The following ATP2A3 variants were observed in gnomAD, a reference collection of about 807,000 sequenced individuals.
The protein encoded by ATP2A3 is ATPase sarcoplasmic/endoplasmic reticulum Ca2+ transporting 3, also known as sarcoplasmic/endoplasmic reticulum calcium ATPase 3.
In ATP2A3, 61 loss-of-function variants were observed where a neutral mutation model predicts 106.8. The observed-to-expected ratio is 0.57, with a 90% CI of 0.46 to 0.71. ATP2A3 has a LOEUF of 0.71. ATP2A3 is among the 30% of genes least tolerant of loss of function. ATP2A3 has a pLI of 0.00. For missense variants in ATP2A3, 1,201 were observed against 1,423.5 expected (o/e 0.84, Z 2.52); for synonymous variants, 611 against 609.3 (o/e 1.00, Z -0.04).
chr17:3,952,978 A>G (rs1258172529), intron 3 of ATP2A3, among the ~76,000 whole-genome samples: 1 of 152,116 alleles, frequency 6.6e-6, no homozygotes, highest in Non-Finnish European at 1.5e-5. Context: ...AACATCCTAC[A>G]GTGGAAAGCC....
intron 8 of ATP2A3, 90 bp from the exon 9 acceptor site, chr17:3,945,238 C>T: frequency 7.7e-7 from 1 of 1,301,408 alleles, no homozygotes; most frequent in Non-Finnish European, 1.1e-6. Flanking sequence ...TCCTGCAGGC[C>T]CCCTGCCCGA....
chr17:3,937,433 A>G lies in ATP2A3; in HGVS notation c.2304T>C (p.Asn768=), dbSNP rs200564275. 4.8e-5 allele frequency: 78 copies of G among 1,612,676 alleles called. No individual in the cohort carries two copies. The highest frequency in any genetic ancestry group is 3.0e-5 in the Non-Finnish European group (35 of 1,179,126). Residue 768 remains asparagine, a synonymous_variant, in exon 15 of 21, where the codon AAT becomes AAC. Coordinates refer to ENST00000397041, the MANE Select transcript of ATP2A3 (RefSeq NM_005173.4). ...KQFIRYLISS[N]VGEVVCIFLT... ...GGCCTCACCAGACGACCTCGCCAAC[A>G]TTGGAGGAGATGAGGTAGCGGATGA...
At chr17:3,943,060 G>A (rs2053873898) in intron 11 of ATP2A3, among the ~76,000 whole-genome samples, 1 of 152,150 alleles carries the variant, frequency 6.6e-6, no homozygotes, top group Admixed American at 6.5e-5. Context: ...GGCCAAGGCA[G>A]GCAGATTACC....
At position 3,942,479 on chromosome 17, in the gene ATP2A3, AG is replaced by A. The variant is rs2053836015; in HGVS notation, c.1545+126del. 6.5e-6 allele frequency: 9 copies of A among 1,379,566 alleles called. No individual in the cohort carries two copies. The South Asian group carries it at 1.1e-4, about 17-fold the overall frequency. The allele number at this position is 1,379,566 out of a possible 1,614,324, so 85.5% of individuals were successfully genotyped here. A position where few individuals can be genotyped will look rare whatever the true frequency, so the allele number is the denominator to read the frequency against. On this transcript the variant is annotated intron_variant, in intron 12 of 20. Transcript: ENST00000397041. ...CCCTACACCACCGGTTAGAGGCAAA[AG>A]GGGCTCCTGAGAACTTGTAACCCAA...
At chr17:3,945,308 C>T (rs2054051944) in intron 8 of ATP2A3, 160 bp from the exon 9 acceptor site, 2 of 596,952 alleles carry the variant, frequency 3.4e-6, no homozygotes, top group Admixed American at 6.1e-5. Context: ...AACGCAGGGT[C>T]CAGGCTGAGG....
Position 3,951,568 on chromosome 17 carries a change from CA to C in ATP2A3, c.324+12del. 6.4e-7 allele frequency: 1 copy of C among 1,567,106 alleles called. No individual in the cohort carries two copies. ...ACCGCCCCCCGCCCGGTCCCACCCC[CA>C]GTGCCTCCCACCTGCCACACGCCCA... On this transcript the variant is annotated intron_variant, in intron 4 of 20. Coordinates refer to ENST00000397041, the MANE Select transcript of ATP2A3 (RefSeq NM_005173.4).
intron 12 of ATP2A3, among the ~76,000 whole-genome samples, 180 bp from the exon 13 acceptor site, chr17:3,941,834 C>G (rs2053799685): frequency 6.6e-6 from 1 of 152,216 alleles, no homozygotes. Context: ...GTGGGTCCCC[C>G]TGTGAGACAA....
rs1480761937 is a variant in ATP2A3, at chr17:3,937,367, G to C, written c.2321+49C>G. On this transcript the variant is annotated intron_variant, in intron 15 of 20. Coordinates refer to ENST00000397041, the MANE Select transcript of ATP2A3 (RefSeq NM_005173.4). ...GAACAGGCGTTTTCCCCATCTCAGG[G>C]GCACAGAGCGGATTGAGAGGGCTGA... is the stretch of plus-strand genomic sequence containing the variant. The C allele has an allele frequency of 1.9e-6, 3 of 1,580,946 alleles. No individual in the cohort carries two copies. The African/African-American group carries it at 4.1e-5, about 21-fold the overall frequency.
Position 3,928,651 on chromosome 17 carries a change from C to T in ATP2A3, c.2980+12G>A. 1 of 1,545,898 alleles carries T rather than the reference C, an allele frequency of 6.5e-7. No homozygotes were observed. The highest frequency in any genetic ancestry group is 8.7e-7 in the Non-Finnish European group (1 of 1,142,858). ...GAGGCAGGCTGGAGGCGGGACGGGG[C>T]CTCCCACTCACCGTGCATGTGGTTC... On this transcript the variant is annotated intron_variant, in intron 20 of 20. Transcript: ENST00000397041. This position sits in a 1 kb window ranked among gnomAD's most constrained non-coding sequence, Gnocchi z 6.1.
chr17:3,964,291 TGCCGCCCGCCCGGCCGTCTGC>T lies in ATP2A3; in HGVS notation c.-21_-1del. 1.6e-6 allele frequency: 2 copies of T among 1,257,596 alleles called. No homozygotes were observed. The highest frequency in any genetic ancestry group is 1.7e-5 in the South Asian group (1 of 57,594). The allele number at this position is 1,257,596 out of a possible 1,614,324, so 77.9% of individuals were successfully genotyped here. A position where few individuals can be genotyped will look rare whatever the true frequency, so the allele number is the denominator to read the frequency against. On this transcript the variant is annotated 5_prime_UTR_variant, in exon 1 of 21. Coordinates refer to ENST00000397041, the MANE Select transcript of ATP2A3 (RefSeq NM_005173.4). ...GCCGGGAGCAGATGCGCCGCCTCCATGCCGCCCGCCCGGCCGTCTGCGCCGTCCGCACCGTCGAGGCCGCCT... is the reference window on the plus strand; with the variant it reads ...GCCGGGAGCAGATGCGCCGCCTCCATGCCGTCCGCACCGTCGAGGCCGCCT...
chr17:3,930,420 C>G lies in ATP2A3; in HGVS notation c.2625G>C (p.Lys875Asn). The G allele has an allele frequency of 6.2e-7, 1 of 1,613,990 alleles. No individual in the cohort carries two copies. Among genetic ancestry groups the G allele is most frequent in the Non-Finnish European group, 8.5e-7 (1 of 1,180,008 alleles). The change falls in exon 18 of 21, where the codon AAG (lysine) becomes AAC (asparagine). Residue 875 changes from lysine to asparagine, a missense_variant. By Grantham distance (94) the Lys-to-Asn change is moderately conservative (BLOSUM62 0). This residue lies in a region of ATP2A3 where 935 missense variants were observed against 1,176.7 expected (regional missense o/e 0.79). Transcript: ENST00000397041. This position sits in a 1 kb window ranked among gnomAD's most constrained non-coding sequence, Gnocchi z 5.4. ...INFYQLRNFL[K>N]CSEDNPLFAG... ...CAAAGAGCGGGTTGTCTTCGGAGCA[C>G]TTCAGGAAGTTCCTCTGGGGGCACC...
At chr17:3,931,831 T>C (rs1308682238) in intron 17 of ATP2A3, among the ~76,000 whole-genome samples, 1 of 152,124 alleles carries the variant, frequency 6.6e-6, no homozygotes, top group African/African-American at 2.4e-5. Flanking sequence ...ATGGAGATCT[T>C]TTAAATTAGA....
chr17:3,938,409 G>A (rs1423910381), intron 14 of ATP2A3, among the ~76,000 whole-genome samples: 1 of 151,898 alleles, frequency 6.6e-6, no homozygotes, highest in Admixed American at 6.6e-5. Context: ...ACTCCAGCCT[G>A]GGCAACAGAG....
Position 3,947,845 on chromosome 17 carries a change from A to G in ATP2A3, c.641T>C (p.Ile214Thr). The G allele has an allele frequency of 6.3e-7, 1 of 1,598,588 alleles. No individual in the cohort carries two copies. The highest frequency in any genetic ancestry group is 8.5e-7 in the Non-Finnish European group (1 of 1,179,854). ...KKNMLFSGTN[I>T]TSGKAVGVAV... ...CACACCCACCGCTTTGCCCGATGTG[A>G]TATTGGTGCCCTGGCCAGGGGAGGG... The change falls in exon 8 of 21, where the codon ATC (isoleucine) becomes ACC (threonine). Residue 214 changes from isoleucine (I) to threonine (T), a missense_variant. By Grantham distance (89) the Ile-to-Thr change is moderately conservative (BLOSUM62 -1). Coordinates refer to ENST00000397041, the MANE Select transcript of ATP2A3 (RefSeq NM_005173.4). The surrounding 1 kb of genome is among the most constrained non-coding windows in gnomAD (Gnocchi z 7.7).
intron 7 of ATP2A3, among the ~76,000 whole-genome samples, chr17:3,948,576 T>C (rs2054246795): frequency 6.6e-6 from 1 of 152,178 alleles, no homozygotes; most frequent in East Asian, 1.9e-4. Context: ...TTTAGAAAAT[T>C]GTTTTGTTTA....
chr17:3,945,251 G>T lies in ATP2A3; in HGVS notation c.1096-103C>A, dbSNP rs371458005. On this transcript the variant is annotated intron_variant, in intron 8 of 20. Coordinates refer to ENST00000397041, the MANE Select transcript of ATP2A3 (RefSeq NM_005173.4). ...GGTCCTGCAGGCCCCCTGCCCGACC[G>T]AGGGCCAAACCGGCCTGGCCGTCCG... 149 of 1,159,126 alleles carry T rather than the reference G, an allele frequency of 1.3e-4. 1 individual carries two copies. The African/African-American group carries it at 1.6e-3, about 13-fold the overall frequency. 71.8% of individuals were successfully genotyped at this position (1,159,126 alleles called of 1,614,324 possible).
intron 10 of ATP2A3, among the ~76,000 whole-genome samples, chr17:3,944,108 C>T (rs1196943845): frequency 1.3e-5 from 2 of 152,238 alleles, no homozygotes; most frequent in Admixed American, 6.5e-5. Context: ...CAGCCCGCAT[C>T]TCTCTGGCCT....
At chr17:3,949,520 T>C (rs1164489180) in intron 7 of ATP2A3, among the ~76,000 whole-genome samples, 2 of 152,212 alleles carry the variant, frequency 1.3e-5, no homozygotes, top group East Asian at 3.8e-4. Flanking sequence ...CGAGTGATTA[T>C]AGGGAGGCTC....
chr17:3,927,480 G>A, intron 20 of ATP2A3: 1 of 985,264 alleles, frequency 1.0e-6, no homozygotes. Flanking sequence ...TGGCTGTGCA[G>A]GTGAGTGAGT....
Sources: allele counts gnomAD v4.1 joint callset (sites outside exome capture counted in the v4.1 genomes callset), GRCh38; gene constraint gnomAD v4.1.1; regional missense constraint gnomAD v4.1.1; non-coding constraint Gnocchi (gnomAD v3.1); transcripts MANE v1.5; gene names NCBI Gene and HGNC (gene_info 2026-07-23, HGNC 2026-07-21).